Variants in NEO1 observed in about 807,000 individuals in gnomAD.
NEO1 encodes neogenin.
In NEO1, 63 loss-of-function variants were observed where a neutral mutation model predicts 159.7. The observed-to-expected ratio is 0.39, with a 90% CI of 0.32 to 0.49. The LOEUF is 0.49. Among genes scored for constraint, NEO1 ranks in the 20% least tolerant of loss-of-function variants. The pLI, the probability that NEO1 is intolerant of heterozygous loss-of-function variation, is 0.85. For synonymous variants in NEO1, 633 were observed against 662.0 expected, an observed-to-expected ratio of 0.96 and a Z score of 0.67; for missense variants, 1,615 against 1,831.0, an observed-to-expected ratio of 0.88 and a Z score of 2.15.
chr15:73,076,500 A>G (rs531487479), intron 1 of NEO1, among the ~76,000 whole-genome samples: 5 of 152,110 alleles, frequency 3.3e-5, no homozygotes, highest in Non-Finnish European at 5.9e-5. Context: ...CCCATAGTTG[A>G]TTTTCAGTAA....
At chr15:73,091,074 T>G (rs1038679636) in intron 1 of NEO1, among the ~76,000 whole-genome samples, 7 of 152,206 alleles carry the variant, frequency 4.6e-5, no homozygotes, top group African/African-American at 1.7e-4. Flanking sequence ...AGCCTGACTC[T>G]TGAACCCACG....
rs1174498637 is a variant in NEO1 at position 73,068,073 on chromosome 15, G to C, written c.130+15268G>C. Among the ~76,000 whole-genome samples, 3 of 152,204 alleles carry C rather than the reference G, an allele frequency of 2.0e-5. No individual in the cohort carries two copies. In the East Asian group the frequency reaches 5.8e-4, roughly 29 times the overall value. On this transcript the variant is annotated intron_variant, in intron 1 of 28. Transcript: ENST00000261908. ...AATGATCTACATTCCTATATCATTA[G>C]TTTGGTGGTTTGCAGGGAGTAGGGG...
At chr15:73,290,538 G>A (rs1596619479) in intron 25 of NEO1, among the ~76,000 whole-genome samples, 2 of 152,026 alleles carry the variant, frequency 1.3e-5, no homozygotes, top group South Asian at 4.1e-4. Context: ...CCGCCCAGCC[G>A]GAATTTTTTA....
chr15:73,288,954 A>C (rs2042055218), intron 24 of NEO1, 192 bp from the exon 25 acceptor site: 4 of 588,216 alleles, frequency 6.8e-6, no homozygotes, highest in Non-Finnish European at 1.2e-5. Flanking sequence ...TGTGACATCC[A>C]CATTGATTCA....
chr15:73,066,311 A>G (rs1051668899), intron 1 of NEO1, among the ~76,000 whole-genome samples: 1 of 137,236 alleles, frequency 7.3e-6, no homozygotes, highest in Admixed American at 7.3e-5. Flanking sequence ...GAGCCACCGC[A>G]CCTGGCCTCT....
At chr15:73,180,340 G>A (rs1355575205) in intron 7 of NEO1, among the ~76,000 whole-genome samples, 3 of 152,090 alleles carry the variant, frequency 2.0e-5, no homozygotes, top group Non-Finnish European at 4.4e-5. Context: ...TTACAGAAAA[G>A]CATAAAATAT....
At chr15:73,297,470 A>G (rs970595496) in intron 26 of NEO1, among the ~76,000 whole-genome samples, 1 of 152,192 alleles carries the variant, frequency 6.6e-6, no homozygotes, top group Non-Finnish European at 1.5e-5. Flanking sequence ...ATCTCATTCA[A>G]TCCTCAAAGA....
chr15:73,204,443 T>A (rs2037098592), intron 7 of NEO1, among the ~76,000 whole-genome samples: 1 of 152,158 alleles, frequency 6.6e-6, no homozygotes, highest in Non-Finnish European at 1.5e-5. Context: ...TTTTTGATAA[T>A]GCCCCATGAT....
chr15:73,130,383 A>G (rs2030952960), intron 4 of NEO1, among the ~76,000 whole-genome samples: 1 of 151,788 alleles, frequency 6.6e-6, no homozygotes, highest in South Asian at 2.1e-4. Flanking sequence ...TTGGAGCTAA[A>G]GAAGCTAGCA....
chr15:73,133,151 G>A (rs1420418294), intron 4 of NEO1, among the ~76,000 whole-genome samples: 1 of 152,050 alleles, frequency 6.6e-6, no homozygotes, highest in African/African-American at 2.4e-5. Context: ...CAGTTGATGA[G>A]TGAATAAAGA....
intron 5 of NEO1, among the ~76,000 whole-genome samples, chr15:73,162,489 T>A (rs1044318743): frequency 1.1e-4 from 17 of 152,038 alleles, no homozygotes; most frequent in African/African-American, 4.1e-4. Context: ...ACCTCCTGGG[T>A]TCAAGCAATT....
chr15:73,215,105 A>G (rs1352054288), intron 7 of NEO1, among the ~76,000 whole-genome samples: 2 of 152,156 alleles, frequency 1.3e-5, no homozygotes, highest in African/African-American at 4.8e-5. Flanking sequence ...TAGAAGAGCT[A>G]TTGATTTATG....
intron 5 of NEO1, among the ~76,000 whole-genome samples, chr15:73,175,536 G>T (rs1302459718): frequency 3.9e-5 from 6 of 152,166 alleles, no homozygotes; most frequent in Non-Finnish European, 4.4e-5. Context: ...ATCCCAGCAG[G>T]CTGGGCAGAT....
intron 7 of NEO1, among the ~76,000 whole-genome samples, chr15:73,217,739 G>T (rs927909903): frequency 5.3e-5 from 8 of 152,066 alleles, no homozygotes; most frequent in African/African-American, 1.9e-4. Context: ...TTTGTTATTG[G>T]TGTATAAGAA....
chr15:73,288,913 TAG>T (rs1244014648), intron 24 of NEO1, among the ~76,000 whole-genome samples: 2 of 152,216 alleles, frequency 1.3e-5, no homozygotes, highest in Non-Finnish European at 2.9e-5. Flanking sequence ...GAGGCTCTTA[TAG>T]ACACCCTGTG....
At chr15:73,145,477 G>C (rs1289691889) in intron 5 of NEO1, among the ~76,000 whole-genome samples, 2 of 152,102 alleles carry the variant, frequency 1.3e-5, no homozygotes, top group Non-Finnish European at 2.9e-5. Context: ...TTTATGCATG[G>C]AAGTATGCAT....
intron 7 of NEO1, among the ~76,000 whole-genome samples, chr15:73,225,252 T>C (rs2038512400): frequency 6.6e-6 from 1 of 152,018 alleles, no homozygotes; most frequent in Admixed American, 6.6e-5. Context: ...GCTTTGGTGG[T>C]TTAATGCTCT....
At chr15:73,150,232 T>C (rs1374618210) in intron 5 of NEO1, among the ~76,000 whole-genome samples, 1 of 152,252 alleles carries the variant, frequency 6.6e-6, no homozygotes, top group Admixed American at 6.5e-5. Flanking sequence ...CTGTCTGCCA[T>C]CCTTTTTAAA....
intron 1 of NEO1, 30 bp downstream of exon 1, chr15:73,052,835 G>A: frequency 1.9e-6 from 1 of 528,988 alleles, no homozygotes. Context: ...CCGGGGGTTC[G>A]CGGGGGCGCG....
Sources: gnomAD v4.1 joint callset for allele counts (sites outside exome capture counted in the v4.1 genomes callset) on GRCh38, gnomAD v4.1.1 for gene constraint, MANE v1.5 for transcripts, NCBI Gene and HGNC (gene_info 2026-07-23, HGNC 2026-07-21) for gene names.